The following CSRNP2 variants were observed in gnomAD, a reference collection of about 807,000 sequenced individuals.
CSRNP2 encodes cysteine and serine rich nuclear protein 2.
Under a neutral mutation model 36.6 loss-of-function variants are expected in CSRNP2, and 11 were observed. The observed-to-expected ratio is 0.30, with a 90% CI of 0.19 to 0.50. CSRNP2 has a LOEUF of 0.50. Among genes scored for constraint, CSRNP2 ranks in the 20% least tolerant of loss-of-function variants. CSRNP2 has a pLI of 0.98. For synonymous variants in CSRNP2, 248 were observed against 275.3 expected (o/e 0.90, Z 0.98); for missense variants, 483 against 691.4 (o/e 0.70, Z 3.38).
chr12:51,076,767 T>A, intron 1 of CSRNP2, 120 bp from the exon 2 acceptor site: 1 of 565,006 alleles, frequency 1.8e-6, no homozygotes, highest in Non-Finnish European at 3.1e-6. Flanking sequence ...TTCTCAATAT[T>A]ACGTTCTTTC....
intron 4 of CSRNP2, among the ~76,000 whole-genome samples, chr12:51,066,274 G>C (rs1288398541): frequency 6.6e-6 from 1 of 152,008 alleles, no homozygotes; most frequent in Non-Finnish European, 1.5e-5. Flanking sequence ...CCTACATGGT[G>C]AAACGCCGTC....
chr12:51,070,060 T>C (rs1938966367), intron 3 of CSRNP2, among the ~76,000 whole-genome samples: 1 of 151,506 alleles, frequency 6.6e-6, no homozygotes, highest in Non-Finnish European at 1.5e-5. Flanking sequence ...AAGGACAGAT[T>C]GAAGACAAGC....
chr12:51,063,685 G>C lies in CSRNP2; in HGVS notation c.*61C>G. On this transcript the variant is annotated 3_prime_UTR_variant, in exon 5 of 5. Transcript: ENST00000228515. ...GCTTCTACAGTTTTGTTTTGAAATG[G>C]TGTTAGATAAAATAAGGGAATAAAT... is the stretch of plus-strand genomic sequence containing the variant. 1 of 1,306,576 alleles carries C rather than the reference G, an allele frequency of 7.7e-7. No homozygotes were observed. Among genetic ancestry groups the C allele is most frequent in the Non-Finnish European group, 1.0e-6 (1 of 971,258 alleles). The allele number at this position is 1,306,576 out of a possible 1,614,324, so 80.9% of individuals were successfully genotyped here.
At chr12:51,064,719 A>G (rs11832566) in intron 4 of CSRNP2, 50 bp from the exon 5 acceptor site, 1 of 1,445,832 alleles carries the variant, frequency 6.9e-7, no homozygotes, top group South Asian at 1.6e-5. Flanking sequence ...CAATCCTAAC[A>G]ATGGAGACAG....
rs1471287144 is a variant in CSRNP2, at chr12:51,063,851, G to T, written c.1527C>A (p.Pro509=). ...AGCCCTCTTCATTGTCCGTGCGGAAGGGGAGGCTTGAGGGGGACCAGGAAG... is the reference window on the plus strand; with the variant it reads ...AGCCCTCTTCATTGTCCGTGCGGAATGGGAGGCTTGAGGGGGACCAGGAAG... ...FHPSWSPSSL[P]FRTDNEEGCG... Residue 509 remains proline (P), a synonymous_variant, in exon 5 of 5, where the codon CCC becomes CCA. Coordinates refer to ENST00000228515, the MANE Select transcript of CSRNP2 (RefSeq NM_030809.3). 8 of 1,614,074 alleles carry T rather than the reference G, an allele frequency of 5.0e-6. No homozygotes were observed. The highest frequency in any genetic ancestry group is 4.5e-5 in the East Asian group (2 of 44,872).
chr12:51,064,430 G>A lies in CSRNP2; in HGVS notation c.948C>T (p.Phe316=), dbSNP rs763173821. Residue 316 remains phenylalanine (F), a synonymous_variant, in exon 5 of 5, where the codon TTC becomes TTT. Coordinates refer to ENST00000228515, the MANE Select transcript of CSRNP2 (RefSeq NM_030809.3). ...TCACTGCTGTCTCATTCTCAGCAATGAACTCCTGGAAGTCCTGGGTCTCAG... is the reference window on the plus strand; with the variant it reads ...TCACTGCTGTCTCATTCTCAGCAATAAACTCCTGGAAGTCCTGGGTCTCAG... The part of the protein sequence containing the change: ...QGSETQDFQE[F]IAENETAVMH... The A allele has an allele frequency of 1.9e-6, 3 of 1,611,886 alleles. No homozygotes were observed. The highest frequency in any genetic ancestry group is 2.5e-6 in the Non-Finnish European group (3 of 1,178,580).
chr12:51,068,548 C>T (rs1463443123), intron 3 of CSRNP2, among the ~76,000 whole-genome samples: 2 of 152,088 alleles, frequency 1.3e-5, no homozygotes, highest in Non-Finnish European at 1.5e-5. Flanking sequence ...ATCTTACGTA[C>T]CATCACCTTT....
At position 51,064,203 on chromosome 12, in the gene CSRNP2, A is replaced by T; in HGVS notation, c.1175T>A (p.Leu392Gln). 1 of 1,614,058 alleles carries T rather than the reference A, an allele frequency of 6.2e-7. No individual in the cohort carries two copies. Among genetic ancestry groups the T allele is most frequent in the South Asian group, 1.1e-5 (1 of 91,074 alleles). Residue 392 changes from leucine (L) to glutamine (Q), a missense_variant, in exon 5 of 5, where the codon CTG becomes CAG. Physicochemically the swap from Leu to Gln is moderately radical, Grantham distance 113. Coordinates refer to ENST00000228515, the MANE Select transcript of CSRNP2 (RefSeq NM_030809.3). ...GTGGTCTGAGTTCTCGGTAAAACAC[A>T]GGACAGAGGAGCCTGGGGGCAGCTG... ...QAQLPPGSSV[L>Q]CFTENSDHPT...
intron 4 of CSRNP2, among the ~76,000 whole-genome samples, chr12:51,066,092 G>C (rs1218663390): frequency 1.3e-5 from 2 of 152,118 alleles, no homozygotes; most frequent in African/African-American, 4.8e-5. Flanking sequence ...GGCTGAGGCA[G>C]GCAGATCACC....
chr12:51,077,043 G>GCA (rs1555248373), intron 1 of CSRNP2, among the ~76,000 whole-genome samples: 1 of 26,900 alleles, frequency 3.7e-5, no homozygotes, highest in African/African-American at 9.9e-5. Flanking sequence ...TGTTTGGTTG[G>GCA]CAAAAAAAAA....
intron 3 of CSRNP2, among the ~76,000 whole-genome samples, chr12:51,071,513 C>T (rs1181926092): frequency 4.6e-5 from 7 of 152,036 alleles, no homozygotes; most frequent in African/African-American, 1.7e-4. Flanking sequence ...ACCTGTAGTC[C>T]CAACTACTTG....
intron 4 of CSRNP2, among the ~76,000 whole-genome samples, chr12:51,066,178 G>C (rs889070975): frequency 2.6e-5 from 4 of 152,150 alleles, no homozygotes; most frequent in African/African-American, 9.7e-5. Context: ...AAGCTGGCCA[G>C]GTGCGGTGGC....
chr12:51,072,858 G>A (rs944252159), intron 3 of CSRNP2, among the ~76,000 whole-genome samples: 1 of 152,116 alleles, frequency 6.6e-6, no homozygotes, highest in African/African-American at 2.4e-5. Context: ...TGAAAATTGT[G>A]CTTCCTTGAG....
At position 51,061,731 on chromosome 12, in the gene CSRNP2, C is replaced by A. The variant is rs1948836902; in HGVS notation, c.*2015G>T. 6.6e-6 allele frequency: 1 copy of A among 152,148 alleles called. No individual in the cohort carries two copies. The highest frequency in any genetic ancestry group is 1.5e-5 in the Non-Finnish European group (1 of 68,038). The allele number at this position is 152,148 out of a possible 1,614,324, so 9.4% of individuals were successfully genotyped here. On this transcript the variant is annotated 3_prime_UTR_variant, in exon 5 of 5. Coordinates refer to ENST00000228515, the MANE Select transcript of CSRNP2 (RefSeq NM_030809.3). ...CAGATTCATATTCCTGGTTTGATCC[C>A]AAAAGCTAATGTGTTCCTCATCGTG...
chr12:51,064,506 T>C lies in CSRNP2; in HGVS notation c.872A>G (p.Asp291Gly). ...ACTGGCAGTCGGGGAGGGCTCCTCATCTGGGGCTGCTGGGCGGCTCACCTG... is the reference window on the plus strand; with the variant it reads ...ACTGGCAGTCGGGGAGGGCTCCTCACCTGGGGCTGCTGGGCGGCTCACCTG... ...KRQVSRPAAPDEEPSPTASCS... is the reference protein window; with the variant it reads ...KRQVSRPAAPGEEPSPTASCS... The change falls in exon 5 of 5, where the codon GAT becomes GGT. Residue 291 changes from aspartate (D) to glycine (G), a missense_variant. By Grantham distance (94) the Asp-to-Gly change is moderately conservative (BLOSUM62 -1). Around this residue, in one of 2 missense-constraint regions of CSRNP2, gnomAD observed 277 missense variants for 323.6 expected, o/e 0.86. Coordinates refer to ENST00000228515, the MANE Select transcript of CSRNP2 (RefSeq NM_030809.3). 1 of 1,612,422 alleles carries C rather than the reference T, an allele frequency of 6.2e-7. No individual in the cohort carries two copies. The highest frequency in any genetic ancestry group is 2.2e-5 in the East Asian group (1 of 44,878).
rs1278833665 is a variant in CSRNP2, at chr12:51,062,796, G to A, written c.*950C>T. 6.6e-6 allele frequency: 1 copy of A among 152,362 alleles called. No homozygotes were observed. Among genetic ancestry groups the A allele is most frequent in the Non-Finnish European group, 1.5e-5 (1 of 68,044 alleles). The allele number at this position is 152,362 out of a possible 1,614,324, so 9.4% of individuals were successfully genotyped here. A position where few individuals can be genotyped will look rare whatever the true frequency, so the allele number is the denominator to read the frequency against. On this transcript the variant is annotated 3_prime_UTR_variant, in exon 5 of 5. Transcript: ENST00000228515. Reference sequence around the variant, plus strand: ...TCCACTAAAGCTCAGATCTCACAAAGAGGGAAAAACCTGGGTGAAAAAACA... The same window carrying A: ...TCCACTAAAGCTCAGATCTCACAAAAAGGGAAAAACCTGGGTGAAAAAACA...
At chr12:51,079,936 G>A (rs1471673651) in intron 1 of CSRNP2, among the ~76,000 whole-genome samples, 1 of 150,262 alleles carries the variant, frequency 6.7e-6, no homozygotes, top group African/African-American at 2.5e-5. Context: ...AGCCAGGTGT[G>A]GTGGCGAGTG....
chr12:51,082,005 C>A (rs1485478373), intron 1 of CSRNP2, among the ~76,000 whole-genome samples: 1 of 152,258 alleles, frequency 6.6e-6, no homozygotes, highest in African/African-American at 2.4e-5. Context: ...CTTCACTTGA[C>A]TGGAACCCAA....
At chr12:51,077,061 G>T (rs1178075406) in intron 1 of CSRNP2, among the ~76,000 whole-genome samples, 7 of 109,886 alleles carry the variant, frequency 6.4e-5, no homozygotes, top group Admixed American at 2.6e-4. Context: ...AAAAAAAAAA[G>T]GAAAAAAAGA....
Sources: allele counts gnomAD v4.1 joint callset (sites outside exome capture counted in the v4.1 genomes callset), GRCh38; gene constraint gnomAD v4.1.1; regional missense constraint gnomAD v4.1.1; transcripts MANE v1.5; gene names NCBI Gene and HGNC (gene_info 2026-07-23, HGNC 2026-07-21).